Variants in GPR158 observed in about 807,000 individuals in gnomAD.
GPR158 encodes metabotropic glycine receptor.
GPR158 carries 30 observed loss-of-function variants against 78.2 expected under a neutral mutation model. The observed-to-expected ratio is 0.38, with a 90% confidence interval of 0.29 to 0.52. The LOEUF (loss-of-function observed/expected upper bound fraction) is 0.52. Among genes scored for constraint, GPR158 ranks in the 20% least tolerant of loss-of-function variants. The pLI is 0.83. For synonymous variants in GPR158, 581 were observed against 591.1 expected (o/e 0.98, Z 0.25); for missense variants, 1,463 against 1,523.5 (o/e 0.96, Z 0.66).
At chr10:25,251,812 G>C (rs1177754655) in intron 2 of GPR158, among the ~76,000 whole-genome samples, 1 of 150,070 alleles carries the variant, frequency 6.7e-6, no homozygotes, top group Non-Finnish European at 1.5e-5. Flanking sequence ...TCTTCTCGAG[G>C]AGTATCTTTG....
At chr10:25,361,727 A>C (rs189103410) in intron 2 of GPR158, among the ~76,000 whole-genome samples, 126 of 152,096 alleles carry the variant, frequency 8.3e-4, no homozygotes, top group African/African-American at 3.0e-3. Context: ...TTCTTAGCCA[A>C]TTGTATGTCA....
intron 5 of GPR158, among the ~76,000 whole-genome samples, chr10:25,511,841 G>C (rs1025639716): frequency 1.7e-4 from 26 of 151,366 alleles, no homozygotes; most frequent in Non-Finnish European, 2.5e-4. Flanking sequence ...TCAGTTGGCT[G>C]TAAGTATTTG....
chr10:25,228,124 A>C (rs1853399244), intron 2 of GPR158, among the ~76,000 whole-genome samples: 2 of 152,174 alleles, frequency 1.3e-5, no homozygotes. Context: ...AATTTTAAAA[A>C]ATTAGCAAGG....
At chr10:25,227,007 T>C (rs958228097) in intron 2 of GPR158, among the ~76,000 whole-genome samples, 1 of 152,210 alleles carries the variant, frequency 6.6e-6, no homozygotes, top group Admixed American at 6.5e-5. Flanking sequence ...TGGATGCTTA[T>C]TTGTTTTTGG....
At chr10:25,476,643 C>CT (rs1302547361) in intron 5 of GPR158, among the ~76,000 whole-genome samples, 2 of 151,894 alleles carry the variant, frequency 1.3e-5, no homozygotes, top group South Asian at 2.1e-4. Flanking sequence ...ATTCATCCAC[C>CT]TTTTTTTTCA....
In GPR158 at chr10:25,195,303, TC is replaced by T. The variant is rs903164688; in HGVS notation, c.902+18982del. Among the ~76,000 whole-genome samples the T allele has an allele frequency of 3.7e-4, 57 of 152,020 alleles. 2 individuals carry two copies. The highest frequency in any genetic ancestry group is 4.4e-5 in the Non-Finnish European group (3 of 67,976). ...TCACTGCAACCTCCTCCTCCTGGGT[TC>T]AAGCAAGTCTCATGCCTCAGCCTCC... On this transcript the variant is annotated intron_variant, in intron 1 of 10. Coordinates refer to ENST00000376351, the MANE Select transcript of GPR158 (RefSeq NM_020752.3).
At chr10:25,574,146 CAAAAAAAAAAAAAA>C (rs34285790) in intron 7 of GPR158, among the ~76,000 whole-genome samples, 2 of 62,318 alleles carry the variant, frequency 3.2e-5, no homozygotes, top group Non-Finnish European at 5.6e-5. Flanking sequence ...TTCTGTTTTA[CAAAAAAAAAAAAAA>C]AAAAAAAAAA....
At chr10:25,348,854 AC>A (rs1461547217) in intron 2 of GPR158, among the ~76,000 whole-genome samples, 1 of 151,920 alleles carries the variant, frequency 6.6e-6, no homozygotes, top group African/African-American at 2.4e-5. Context: ...TTGAAGATTC[AC>A]TCTAGTCATG....
chr10:25,412,367 T>C lies in GPR158; in HGVS notation c.1229T>C (p.Val410Ala). 6.2e-7 allele frequency: 1 copy of C among 1,613,990 alleles called. No homozygotes were observed. The highest frequency in any genetic ancestry group is 8.5e-7 in the Non-Finnish European group (1 of 1,179,814). ...PFCADDSPCF[V>A]QEDKYLRLAI... ...TGTGCTGATGACAGCCCATGCTTCG[T>C]CCAGGAAGATAAGTATTTACGACTT... is the stretch of plus-strand genomic sequence containing the variant. Residue 410 changes from valine to alanine, a missense_variant, in exon 4 of 11, where the codon GTC becomes GCC. By Grantham distance (64) the Val-to-Ala change is moderately conservative. Transcript: ENST00000376351.
chr10:25,383,664 C>T (rs573026660), intron 2 of GPR158, among the ~76,000 whole-genome samples: 39 of 152,192 alleles, frequency 2.6e-4, no homozygotes, highest in South Asian at 1.5e-3. Flanking sequence ...TTCATATGTA[C>T]ATTTTCAAAT....
intron 1 of GPR158, among the ~76,000 whole-genome samples, chr10:25,211,431 G>A (rs1159909882): frequency 6.6e-6 from 1 of 152,178 alleles, no homozygotes; most frequent in Non-Finnish European, 1.5e-5. Context: ...GTGGCAGGAG[G>A]TGAAAGGACA....
At chr10:25,530,028 C>T (rs185882774) in intron 5 of GPR158, among the ~76,000 whole-genome samples, 72 of 152,286 alleles carry the variant, frequency 4.7e-4, no homozygotes, top group Admixed American at 1.2e-3. Context: ...AATGTCTAGA[C>T]TCATCCTCTC....
intron 5 of GPR158, among the ~76,000 whole-genome samples, chr10:25,516,473 A>T (rs1836176164): frequency 6.6e-6 from 1 of 150,884 alleles, no homozygotes; most frequent in Admixed American, 6.6e-5. Flanking sequence ...GGTAATGCCT[A>T]GGTTTTCTTC....
At chr10:25,461,765 C>A (rs1026739981) in intron 4 of GPR158, among the ~76,000 whole-genome samples, 6 of 141,714 alleles carry the variant, frequency 4.2e-5, no homozygotes, top group African/African-American at 1.6e-4. Flanking sequence ...TGGAGTCTTG[C>A]TCTGTTGCCC....
At chr10:25,358,600 C>T (rs1341200541) in intron 2 of GPR158, among the ~76,000 whole-genome samples, 2 of 152,050 alleles carry the variant, frequency 1.3e-5, no homozygotes, top group African/African-American at 2.4e-5. Flanking sequence ...ATGTGACTTG[C>T]TCCTCCTTGC....
At position 25,423,405 on chromosome 10, in the gene GPR158, T is replaced by C. The variant is rs542442562; in HGVS notation, c.1335+10932T>C. ...TACTTTTAGTTCTTTTTTTTTTTTA[T>C]ACTTTAAGTCCTAGGGTACATGTGC... On this transcript the variant is annotated intron_variant, in intron 4 of 10. Transcript: ENST00000376351. Among the ~76,000 whole-genome samples, 5 of 147,678 alleles carry C rather than the reference T, an allele frequency of 3.4e-5. No individual in the cohort carries two copies. The South Asian group carries it at 1.1e-3, about 32-fold the overall frequency.
chr10:25,314,857 A>G (rs1335950556), intron 2 of GPR158, among the ~76,000 whole-genome samples: 5 of 107,672 alleles, frequency 4.6e-5, no homozygotes, highest in Non-Finnish European at 9.0e-5. Flanking sequence ...ACATACACAC[A>G]CTGTCATATA....
At chr10:25,362,885 A>G (rs1011023367) in intron 2 of GPR158, among the ~76,000 whole-genome samples, 1 of 151,770 alleles carries the variant, frequency 6.6e-6, no homozygotes, top group African/African-American at 2.4e-5. Context: ...CTTTTTATAT[A>G]TTTTTTAATA....
At chr10:25,266,970 G>A (rs1366049276) in intron 2 of GPR158, among the ~76,000 whole-genome samples, 1 of 152,016 alleles carries the variant, frequency 6.6e-6, no homozygotes, top group African/African-American at 2.4e-5. Flanking sequence ...ATTGTAATTG[G>A]CAATTCCTTT....
Sources: gnomAD v4.1 joint callset for allele counts (sites outside exome capture counted in the v4.1 genomes callset) on GRCh38, gnomAD v4.1.1 for gene constraint, MANE v1.5 for transcripts, NCBI Gene and HGNC (gene_info 2026-07-23, HGNC 2026-07-21) for gene names.